The following MRPS27 variants were observed in gnomAD, a reference collection of about 807,000 sequenced individuals.
MRPS27 encodes the protein small ribosomal subunit protein mS27.
MRPS27 carries 43 observed loss-of-function variants against 48.9 expected under a neutral mutation model. That is an observed-to-expected ratio of 0.88 (90% CI 0.69 to 1.13). The LOEUF is 1.13. Ranked by LOEUF, MRPS27 falls within the 50% of genes most tolerant of loss-of-function variation. The pLI, the probability that MRPS27 is intolerant of heterozygous loss-of-function variation, is 0.00. For missense variants in MRPS27, 467 were observed against 476.3 expected, an observed-to-expected ratio of 0.98 and a Z score of 0.18; for synonymous variants, 188 against 171.9, an observed-to-expected ratio of 1.09 and a Z score of -0.73.
Position 72,230,830 on chromosome 5 carries a change from T to C in MRPS27, c.591+1613A>G, listed in dbSNP as rs143283395. Among the ~76,000 whole-genome samples the C allele has an allele frequency of 7.1e-3, 1,082 of 152,282 alleles. 11 individuals carry two copies. The highest frequency in any genetic ancestry group is 0.023 in the African/African-American group (938 of 41,572). On this transcript the variant is annotated intron_variant, in intron 7 of 10. Transcript: ENST00000261413. ...ATGGAACACCTTGCATCCAGACATA[T>C]GAGTCAGAAACTGAGGAGAGAATAT... is the stretch of plus-strand genomic sequence containing the variant.
intron 5 of MRPS27, among the ~76,000 whole-genome samples, chr5:72,236,863 A>C (rs765558986): frequency 6.6e-6 from 1 of 151,360 alleles, no homozygotes; most frequent in Non-Finnish European, 1.5e-5. Context: ...ATTTCCTTCC[A>C]ATCAGATTCC....
At chr5:72,237,076 G>A (rs766345855) in intron 5 of MRPS27, among the ~76,000 whole-genome samples, 9 of 151,764 alleles carry the variant, frequency 5.9e-5, no homozygotes, top group Non-Finnish European at 1.2e-4. Context: ...TCGAACTCCT[G>A]GGCTCATGTG....
intron 4 of MRPS27, among the ~76,000 whole-genome samples, chr5:72,244,870 GCT>G (rs5868631): frequency 0.24 from 35,356 of 148,672 alleles, 5,013 homozygotes; most frequent in Non-Finnish European, 0.34. Context: ...AAGCTCTGCT[GCT>G]CTCTCTCTCT....
chr5:72,276,481 G>A lies in MRPS27; in HGVS notation c.281+19050C>T, dbSNP rs148294517. Reference sequence around the variant, plus strand: ...GAAACCCTAGAAGAAAATCGAGGCAGTATCATTCAGGACATAGGCACAGGC... The same window carrying A: ...GAAACCCTAGAAGAAAATCGAGGCAATATCATTCAGGACATAGGCACAGGC... On this transcript the variant is annotated intron_variant, in intron 4 of 10. Coordinates refer to ENST00000261413, the MANE Select transcript of MRPS27 (RefSeq NM_015084.3). 3.7e-3 allele frequency among the ~76,000 whole-genome samples: 566 copies of A among 152,188 alleles called. 1 individual carries two copies. The highest frequency in any genetic ancestry group is 0.013 in the African/African-American group (550 of 41,522).
At position 72,223,944 on chromosome 5, in the gene MRPS27, G is replaced by C; in HGVS notation, c.838-94C>G. On this transcript the variant is annotated intron_variant, in intron 9 of 10. Coordinates refer to ENST00000261413, the MANE Select transcript of MRPS27 (RefSeq NM_015084.3). Reference sequence around the variant, plus strand: ...AGAGAAGGCGAAAGAAAGGAAGAATGAGCTCTAAAAGACTGTGAAAACATT... The same window carrying C: ...AGAGAAGGCGAAAGAAAGGAAGAATCAGCTCTAAAAGACTGTGAAAACATT... The C allele has an allele frequency of 4.0e-6, 5 of 1,253,598 alleles. 1 individual carries two copies. Among genetic ancestry groups the C allele is most frequent in the Non-Finnish European group, 5.5e-6 (5 of 905,558 alleles). 77.7% of individuals were successfully genotyped at this position (1,253,598 alleles called of 1,614,324 possible). A position where few individuals can be genotyped will look rare whatever the true frequency, so the allele number is the denominator to read the frequency against.
chr5:72,273,268 T>C (rs1749293014), intron 4 of MRPS27, among the ~76,000 whole-genome samples: 1 of 152,222 alleles, frequency 6.6e-6, no homozygotes, highest in Non-Finnish European at 1.5e-5. Flanking sequence ...GTCCGGGATT[T>C]TTCGAGAAAG....
chr5:72,228,241 T>C, intron 8 of MRPS27, 25 bp downstream of exon 8: 2 of 1,506,606 alleles, frequency 1.3e-6, no homozygotes, highest in South Asian at 1.1e-5. Flanking sequence ...TGAAGAACAG[T>C]ATTTGTAAGG....
chr5:72,226,338 G>T, intron 8 of MRPS27, 139 bp from the exon 9 acceptor site: 1 of 960,700 alleles, frequency 1.0e-6, no homozygotes, highest in Non-Finnish European at 1.6e-6. Flanking sequence ...TGTACCAACA[G>T]ACTCATCTCA....
chr5:72,221,726 A>G (rs1162992284), intron 10 of MRPS27, among the ~76,000 whole-genome samples: 1 of 152,238 alleles, frequency 6.6e-6, no homozygotes, highest in Non-Finnish European at 1.5e-5. Flanking sequence ...GACGGAAATC[A>G]GTTCAAGGAA....
At chr5:72,277,610 A>C (rs1215157481) in intron 4 of MRPS27, among the ~76,000 whole-genome samples, 1 of 152,156 alleles carries the variant, frequency 6.6e-6, no homozygotes, top group East Asian at 1.9e-4. Flanking sequence ...CTCAAAAAAA[A>C]AGAAAAGAAA....
intron 4 of MRPS27, among the ~76,000 whole-genome samples, chr5:72,265,783 G>A (rs1032715947): frequency 3.4e-4 from 52 of 152,266 alleles, no homozygotes; most frequent in African/African-American, 1.1e-3. Flanking sequence ...AATATAACTC[G>A]TAAAACACAA....
intron 4 of MRPS27, among the ~76,000 whole-genome samples, chr5:72,268,078 A>G (rs1749145778): frequency 6.6e-6 from 1 of 152,232 alleles, no homozygotes; most frequent in South Asian, 2.1e-4. Flanking sequence ...ATCAGCCTCA[A>G]CAATTCCCCT....
chr5:72,230,266 T>A (rs1262125844), intron 7 of MRPS27, among the ~76,000 whole-genome samples: 2 of 152,140 alleles, frequency 1.3e-5, no homozygotes, highest in Admixed American at 1.3e-4. Flanking sequence ...GCCTTCAAAG[T>A]TTTTCCATTT....
intron 4 of MRPS27, chr5:72,294,924 C>T (rs1317645076): frequency 2.6e-5 from 4 of 151,870 alleles, no homozygotes; most frequent in African/African-American, 4.8e-5. Flanking sequence ...TGTGGATTTT[C>T]GAATTAGAGG....
intron 4 of MRPS27, among the ~76,000 whole-genome samples, chr5:72,262,061 C>T (rs1408592620): frequency 6.6e-6 from 1 of 152,196 alleles, no homozygotes; most frequent in African/African-American, 2.4e-5. Context: ...CAAGTTCAAA[C>T]ACATATACCT....
chr5:72,241,399 C>G, intron 4 of MRPS27: 1 of 532,078 alleles, frequency 1.9e-6, no homozygotes, highest in South Asian at 2.7e-5. Context: ...TCCTGAATTT[C>G]CCAGCCAGGA....
intron 4 of MRPS27, among the ~76,000 whole-genome samples, chr5:72,249,450 G>A (rs1357519835): frequency 3.3e-5 from 5 of 152,216 alleles, no homozygotes; most frequent in East Asian, 1.9e-4. Flanking sequence ...GTGGGAGGCC[G>A]AGGCGGGCAG....
At chr5:72,250,960 T>C (rs1748649746) in intron 4 of MRPS27, among the ~76,000 whole-genome samples, 1 of 152,204 alleles carries the variant, frequency 6.6e-6, no homozygotes, top group African/African-American at 2.4e-5. Flanking sequence ...GTAAAAGTTA[T>C]ATCCAGTTTA....
At chr5:72,308,352 C>G (rs1029875103) in intron 2 of MRPS27, among the ~76,000 whole-genome samples, 1 of 152,240 alleles carries the variant, frequency 6.6e-6, no homozygotes, top group Admixed American at 6.5e-5. Flanking sequence ...GCCGCAGTGT[C>G]CCTTGCTGCC....
Sources: allele counts gnomAD v4.1 joint callset (sites outside exome capture counted in the v4.1 genomes callset), GRCh38; gene constraint gnomAD v4.1.1; transcripts MANE v1.5; gene names NCBI Gene and HGNC (gene_info 2026-07-23, HGNC 2026-07-21).